Variants in GRB2 observed in about 807,000 individuals in gnomAD.
The protein encoded by GRB2 is growth factor receptor bound protein 2.
A neutral mutation model predicts 27.4 loss-of-function variants in GRB2; 2 were observed. The ratio of observed to expected loss-of-function variants is 0.07; its 90% CI spans 0.03 to 0.23. The LOEUF is 0.23. GRB2 is among the 10% of genes least tolerant of loss of function. The probability of loss-of-function intolerance (pLI) is 1.00; values close to 1 mark genes in which losing one functional copy is unlikely to be tolerated. For missense variants in GRB2, 102 were observed against 282.4 expected (o/e 0.36, Z 4.58); for synonymous variants, 94 against 99.6 (o/e 0.94, Z 0.33).
At position 75,382,801 on chromosome 17, in the gene GRB2, C is replaced by T. The variant is rs191660815; in HGVS notation, c.78+10750G>A. Among the ~76,000 whole-genome samples, 86 of 152,296 alleles carry T rather than the reference C, an allele frequency of 5.6e-4. 1 individual carries two copies. The highest frequency in any genetic ancestry group is 1.8e-3 in the African/African-American group (75 of 41,572). ...TGGGATCACTGCAAGCTCAGCCTTC[C>T]GGGTTCACGCCATTCTCCTGCCTCA... On this transcript the variant is annotated intron_variant, in intron 2 of 5. Transcript: ENST00000316804.
intron 2 of GRB2, among the ~76,000 whole-genome samples, chr17:75,391,267 T>C (rs183054618): frequency 1.3e-5 from 2 of 152,312 alleles, no homozygotes; most frequent in Admixed American, 1.3e-4. Context: ...CACATATATG[T>C]ATTTTTCTCT....
At chr17:75,370,902 C>T (rs1460645839) in intron 2 of GRB2, 1 of 152,182 alleles carries the variant, frequency 6.6e-6, no homozygotes, top group Non-Finnish European at 1.5e-5. Context: ...ATCTTTCTTA[C>T]CCATGTTTGG....
At chr17:75,332,532 T>C (rs1196236779) in intron 3 of GRB2, among the ~76,000 whole-genome samples, 168 bp downstream of exon 3, 3 of 152,332 alleles carry the variant, frequency 2.0e-5, no homozygotes, top group East Asian at 3.9e-4. Context: ...TTATTGACTA[T>C]GATATATTAT....
rs987851478 is a variant in GRB2 at position 75,344,686 on chromosome 17, G to A, written c.79-11889C>T. Among the ~76,000 whole-genome samples the A allele has an allele frequency of 7.2e-5, 11 of 151,968 alleles. No individual in the cohort carries two copies. In the East Asian group the frequency reaches 7.7e-4, roughly 11 times the overall value. The stretch of plus-strand genomic sequence containing the variant: ...GGATTTACAGGTGTTGAGCCACCGC[G>A]CTCGGCCTCAACTGTAGCTAATTCT... On this transcript the variant is annotated intron_variant, in intron 2 of 5. Coordinates refer to ENST00000316804, the MANE Select transcript of GRB2 (RefSeq NM_002086.5).
At chr17:75,400,444 G>A (rs2079056585) in intron 1 of GRB2, among the ~76,000 whole-genome samples, 1 of 151,994 alleles carries the variant, frequency 6.6e-6, no homozygotes, top group African/African-American at 2.4e-5. Context: ...AAAGTGCTGG[G>A]ATTACATGCA....
At chr17:75,375,053 G>A (rs2078883372) in intron 2 of GRB2, among the ~76,000 whole-genome samples, 1 of 151,902 alleles carries the variant, frequency 6.6e-6, no homozygotes, top group East Asian at 1.9e-4. Context: ...GTGCCACCAC[G>A]ATTGGCTAAT....
At chr17:75,393,977 C>CA (rs1032110759) in intron 1 of GRB2, 2 of 386,612 alleles carry the variant, frequency 5.2e-6, no homozygotes, top group African/African-American at 4.1e-5. Flanking sequence ...GCCAATGGCA[C>CA]AGCTGCCTGA....
chr17:75,347,343 G>A (rs1053939680), intron 2 of GRB2, among the ~76,000 whole-genome samples: 1 of 152,154 alleles, frequency 6.6e-6, no homozygotes, highest in African/African-American at 2.4e-5. Flanking sequence ...GCTTTCCTCT[G>A]ATTGATCCCC....
At chr17:75,325,068 C>T (rs2078489720) in intron 4 of GRB2, among the ~76,000 whole-genome samples, 1 of 152,028 alleles carries the variant, frequency 6.6e-6, no homozygotes, top group African/African-American at 2.4e-5. Context: ...GAGCGAGACT[C>T]TGTCTCAAAA....
At chr17:75,400,988 A>C (rs2079059931) in intron 1 of GRB2, among the ~76,000 whole-genome samples, 1 of 148,010 alleles carries the variant, frequency 6.8e-6, no homozygotes, top group African/African-American at 2.5e-5. Context: ...TTTGAGACGG[A>C]GTCTTGCTCT....
intron 4 of GRB2, among the ~76,000 whole-genome samples, chr17:75,322,409 C>T (rs1310747692): frequency 6.6e-6 from 1 of 150,982 alleles, no homozygotes; most frequent in African/African-American, 2.4e-5. Context: ...TGCCCTGAAC[C>T]CTACCAAATA....
intron 2 of GRB2, among the ~76,000 whole-genome samples, chr17:75,357,275 T>C (rs375017977): frequency 1.3e-5 from 2 of 152,208 alleles, no homozygotes; most frequent in African/African-American, 4.8e-5. Flanking sequence ...TAGAGAGATA[T>C]GATGACTAGG....
chr17:75,368,215 GTT>G (rs35158011), intron 2 of GRB2, among the ~76,000 whole-genome samples: 2 of 131,650 alleles, frequency 1.5e-5, no homozygotes. Flanking sequence ...GTGCTCAGCT[GTT>G]TTTTTTTTTT....
At position 75,319,334 on chromosome 17, in the gene GRB2, A is replaced by C. The variant is rs1598213552; in HGVS notation, c.*1034T>G. The C allele has an allele frequency of 7.0e-6, 1 of 143,766 alleles. No individual in the cohort carries two copies. The highest frequency in any genetic ancestry group is 1.5e-5 in the Non-Finnish European group (1 of 65,124). The allele number at this position is 143,766 out of a possible 1,614,324, so 8.9% of individuals were successfully genotyped here. The stretch of plus-strand genomic sequence containing the variant: ...AACAAATTAAAAAAAAAAAAAAAAC[A>C]CCACTCAGAAGCAACCCTTGAAATA... On this transcript the variant is annotated 3_prime_UTR_variant, in exon 6 of 6. Coordinates refer to ENST00000316804, the MANE Select transcript of GRB2 (RefSeq NM_002086.5).
At chr17:75,402,370 C>T (rs1205204927) in intron 1 of GRB2, among the ~76,000 whole-genome samples, 34 of 152,286 alleles carry the variant, frequency 2.2e-4, no homozygotes, top group Non-Finnish European at 4.4e-4. Context: ...AGTTAAATCA[C>T]TCCACATCAC....
At chr17:75,339,880 T>G (rs973826462) in intron 2 of GRB2, among the ~76,000 whole-genome samples, 1 of 152,126 alleles carries the variant, frequency 6.6e-6, no homozygotes, top group African/African-American at 2.4e-5. Flanking sequence ...CCACCCGCCT[T>G]GGCCTCCCAA....
At chr17:75,330,980 T>C (rs2078537171) in intron 3 of GRB2, among the ~76,000 whole-genome samples, 1 of 151,834 alleles carries the variant, frequency 6.6e-6, no homozygotes, top group Non-Finnish European at 1.5e-5. Flanking sequence ...GCTTCCCTCT[T>C]CCTCCATAAC....
At chr17:75,356,359 T>C (rs754881031) in intron 2 of GRB2, among the ~76,000 whole-genome samples, 1 of 151,840 alleles carries the variant, frequency 6.6e-6, no homozygotes, top group Non-Finnish European at 1.5e-5. Context: ...TCTCTAAAAA[T>C]TAGTTAGGTG....
rs1407402267 is a variant in GRB2 at position 75,337,898 on chromosome 17, CTACTATTATTATTAT to C, written c.79-5116_79-5102del. On this transcript the variant is annotated intron_variant, in intron 2 of 5. Transcript: ENST00000316804. ...ACTACTACTACTACTACTACTACTA[CTACTATTATTATTAT>C]TATTATTATTATTATTATTATTATT... Among the ~76,000 whole-genome samples the C allele has an allele frequency of 9.5e-3, 1,264 of 133,428 alleles. 15 individuals are homozygous for C. Among genetic ancestry groups the C allele is most frequent in the Middle Eastern group, 0.023 (6 of 262 alleles). The allele number at this position is 133,428 out of a possible 152,430, so 87.5% of individuals were successfully genotyped here. A position where few individuals can be genotyped will look rare whatever the true frequency, so the allele number is the denominator to read the frequency against.
Sources: gnomAD v4.1 joint callset for allele counts (sites outside exome capture counted in the v4.1 genomes callset) on GRCh38, gnomAD v4.1.1 for gene constraint, MANE v1.5 for transcripts, NCBI Gene and HGNC (gene_info 2026-07-23, HGNC 2026-07-21) for gene names.